LARGE1: variants seen among roughly 807,000 people sequenced by gnomAD.
The protein encoded by LARGE1 is xylosyl- and glucuronyltransferase LARGE1.
Under a neutral mutation model 87.6 loss-of-function variants are expected in LARGE1, and 43 were observed. That is an observed-to-expected ratio of 0.49 (90% CI 0.38 to 0.63). LARGE1 has a LOEUF of 0.63. Ranked by LOEUF, LARGE1 falls within the 30% of genes least tolerant of loss-of-function variation. The pLI, the probability that LARGE1 is intolerant of heterozygous loss-of-function variation, is 0.00. For missense variants in LARGE1, 802 were observed against 1,000.2 expected (o/e 0.80, Z 2.67); for synonymous variants, 434 against 394.6 (o/e 1.10, Z -1.18).
the LARGE1 span, among the ~76,000 whole-genome samples, chr22:33,112,072 G>A: frequency 6.6e-6 from 1 of 152,220 alleles, no homozygotes; most frequent in South Asian, 2.1e-4. Context: ...CCATTGAAGG[G>A]TTTTAAGCAA....
intron 1 of LARGE1, among the ~76,000 whole-genome samples, chr22:33,841,668 T>C (rs1468980515): frequency 6.6e-6 from 1 of 152,208 alleles, no homozygotes; most frequent in Admixed American, 6.5e-5. Flanking sequence ...GTATTAGGAA[T>C]AATCTGAGTC....
At chr22:33,122,957 G>A in the LARGE1 span, among the ~76,000 whole-genome samples, 1 of 152,146 alleles carries the variant, frequency 6.6e-6, no homozygotes, top group African/African-American at 2.4e-5. Context: ...GGGCAGCAGG[G>A]GGCATAGGCT....
intron 8 of LARGE1, among the ~76,000 whole-genome samples, chr22:33,383,027 C>T (rs372421847): frequency 2.0e-5 from 3 of 152,294 alleles, no homozygotes; most frequent in African/African-American, 7.2e-5. Context: ...ACTTTGCAGG[C>T]ATTCGACGAA....
rs184938477 is a variant in LARGE1 at position 33,862,907 on chromosome 22, C to T, written c.-83+57088G>A. 4.1e-4 allele frequency among the ~76,000 whole-genome samples: 62 copies of T among 152,192 alleles called. No homozygotes were observed. In the East Asian group the frequency reaches 9.5e-3, roughly 23 times the overall value. ...ATATTAGTATCTATCAGAGGTAGCA[C>T]GCACCGAGTCCTCACCAAGGGCCTG... On this transcript the variant is annotated intron_variant, in intron 1 of 14. Transcript: ENST00000397394.
chr22:33,472,076 A>T (rs1405508461), intron 6 of LARGE1, among the ~76,000 whole-genome samples: 3 of 152,142 alleles, frequency 2.0e-5, no homozygotes, highest in South Asian at 2.1e-4. Flanking sequence ...GCCTCAGTGG[A>T]GAGCCAGGGG....
rs2071095114 is a variant in LARGE1 at position 33,512,376 on chromosome 22, C to T, written c.787+52472G>A. ...GATTTATCACTAGATGGAACATTAC[C>T]CAGTCAATGAAAGTGACAGTTACAA... On this transcript the variant is annotated intron_variant, in intron 6 of 14. Transcript: ENST00000397394. Among the ~76,000 whole-genome samples, 3 of 151,958 alleles carry T rather than the reference C, an allele frequency of 2.0e-5. No homozygotes were observed. In the South Asian group the frequency reaches 6.2e-4, roughly 32 times the overall value.
At chr22:33,429,858 C>T (rs1351695819) in intron 7 of LARGE1, among the ~76,000 whole-genome samples, 1 of 152,066 alleles carries the variant, frequency 6.6e-6, no homozygotes, top group African/African-American at 2.4e-5. Flanking sequence ...CGTCCCTGGC[C>T]CGCTGTGGGT....
intron 6 of LARGE1, among the ~76,000 whole-genome samples, chr22:33,548,204 C>A (rs527484235): frequency 2.0e-5 from 3 of 152,264 alleles, no homozygotes; most frequent in African/African-American, 7.2e-5. Flanking sequence ...CTCATGAGAT[C>A]TGGTTTTTTA....
chr22:33,831,776 A>G (rs911959538), intron 1 of LARGE1, among the ~76,000 whole-genome samples: 6 of 151,760 alleles, frequency 4.0e-5, no homozygotes, highest in African/African-American at 1.5e-4. Flanking sequence ...ACACACACAC[A>G]CACACACATA....
At chr22:33,675,292 C>CA (rs71320987) in intron 2 of LARGE1, among the ~76,000 whole-genome samples, 539 of 32,904 alleles carry the variant, frequency 0.016, 154 homozygotes, top group African/African-American at 0.045. Flanking sequence ...GAAACTCCAT[C>CA]AAAAAAAAAA....
At chr22:33,730,357 CAGT>C (rs2083422383) in intron 2 of LARGE1, among the ~76,000 whole-genome samples, 1 of 152,178 alleles carries the variant, frequency 6.6e-6, no homozygotes, top group South Asian at 2.1e-4. Context: ...TTCTGGTCAA[CAGT>C]AGGTTATCAA....
At chr22:33,655,479 G>A (rs1328832460) in intron 2 of LARGE1, among the ~76,000 whole-genome samples, 1 of 152,148 alleles carries the variant, frequency 6.6e-6, no homozygotes, top group Non-Finnish European at 1.5e-5. Context: ...ACTCAGACTA[G>A]AACTACACAT....
At chr22:33,246,774 G>A (rs1342494206) in intron 11 of LARGE1, among the ~76,000 whole-genome samples, 1 of 152,110 alleles carries the variant, frequency 6.6e-6, no homozygotes, top group Non-Finnish European at 1.5e-5. Context: ...TCTCAAATAC[G>A]TGTAATGTAT....
the LARGE1 span, among the ~76,000 whole-genome samples, chr22:33,090,586 T>C: frequency 6.6e-6 from 1 of 152,144 alleles, no homozygotes; most frequent in Non-Finnish European, 1.5e-5. Flanking sequence ...AGGAAGCTGA[T>C]GTTTCTGGAG....
downstream of LARGE1, among the ~76,000 whole-genome samples, chr22:33,270,690 T>G (rs1928195975): frequency 6.6e-6 from 1 of 152,204 alleles, no homozygotes; most frequent in African/African-American, 2.4e-5. Flanking sequence ...AGAGGGGATT[T>G]GAATCACATT....
chr22:33,088,392 C>T, the LARGE1 span, among the ~76,000 whole-genome samples: 10 of 152,270 alleles, frequency 6.6e-5, no homozygotes, highest in South Asian at 1.5e-3. Context: ...GCTTATAATA[C>T]TCCACATATT....
Position 33,903,699 on chromosome 22 carries a change from C to T in LARGE1, c.-83+16296G>A, listed in dbSNP as rs1303969321. 1.3e-5 allele frequency among the ~76,000 whole-genome samples: 2 copies of T among 152,112 alleles called. 1 individual carries two copies. Among genetic ancestry groups the T allele is most frequent in the Non-Finnish European group, 2.9e-5 (2 of 68,030 alleles). On this transcript the variant is annotated intron_variant, in intron 1 of 14. Transcript: ENST00000397394. ...AATTAGCTGGGCATGGTGGTGGGCG[C>T]CTGTGATCCCAGCTACTTGGGAGGC... is the stretch of plus-strand genomic sequence containing the variant.
intron 1 of LARGE1, among the ~76,000 whole-genome samples, chr22:33,908,887 G>C (rs911834343): frequency 6.6e-6 from 1 of 152,140 alleles, no homozygotes; most frequent in Admixed American, 6.5e-5. Flanking sequence ...CACTTTTAAG[G>C]TGAATCCAGA....
At chr22:33,392,622 G>C (rs954062145) in intron 7 of LARGE1, among the ~76,000 whole-genome samples, 13 of 152,196 alleles carry the variant, frequency 8.5e-5, no homozygotes, top group Admixed American at 3.3e-4. Flanking sequence ...TGGCCCCACT[G>C]TACTCCCGCC....
Sources: gnomAD v4.1 joint callset for allele counts (sites outside exome capture counted in the v4.1 genomes callset) on GRCh38, gnomAD v4.1.1 for gene constraint, MANE v1.5 for transcripts, NCBI Gene and HGNC (gene_info 2026-07-23, HGNC 2026-07-21) for gene names.